EPHB1: variants seen among roughly 807,000 people sequenced by gnomAD.
The protein encoded by EPHB1 is ephrin type-B receptor 1.
In EPHB1, 30 loss-of-function variants were observed where a neutral mutation model predicts 94.4. The ratio of observed to expected loss-of-function variants is 0.32; its 90% CI spans 0.24 to 0.43. The LOEUF is 0.43. Among genes scored for constraint, EPHB1 ranks in the 20% least tolerant of loss-of-function variants. The pLI, the probability that EPHB1 is intolerant of heterozygous loss-of-function variation, is 1.00. For missense variants in EPHB1, 1,055 were observed against 1,308.3 expected (o/e 0.81, Z 2.99); for synonymous variants, 522 against 489.1 (o/e 1.07, Z -0.89).
chr3:134,895,144 T>C (rs1433865966), intron 1 of EPHB1, among the ~76,000 whole-genome samples: 1 of 152,222 alleles, frequency 6.6e-6, no homozygotes, highest in Non-Finnish European at 1.5e-5. Flanking sequence ...AATAGGAGTC[T>C]ACATTAGGAG....
chr3:135,181,506 G>A (rs1942150134), intron 10 of EPHB1, among the ~76,000 whole-genome samples: 1 of 152,234 alleles, frequency 6.6e-6, no homozygotes, highest in Non-Finnish European at 1.5e-5. Flanking sequence ...AAACATCAAA[G>A]AGTGTTGGGG....
intron 12 of EPHB1, among the ~76,000 whole-genome samples, chr3:135,238,617 G>A (rs958964639): frequency 1.3e-5 from 2 of 152,098 alleles, no homozygotes; most frequent in Non-Finnish European, 2.9e-5. Flanking sequence ...ACACACAAAA[G>A]ATAAGCAAGC....
At chr3:135,186,649 T>C (rs931492256) in intron 10 of EPHB1, among the ~76,000 whole-genome samples, 2 of 152,232 alleles carry the variant, frequency 1.3e-5, no homozygotes, top group African/African-American at 4.8e-5. Context: ...AAGCTACTGC[T>C]TGAAATACCT....
intron 1 of EPHB1, among the ~76,000 whole-genome samples, chr3:134,826,233 CAG>C (rs950574660): frequency 4.8e-5 from 6 of 126,104 alleles, no homozygotes; most frequent in African/African-American, 2.0e-4. Flanking sequence ...GCCTGGATGA[CAG>C]AGTGAGACTC....
At chr3:135,089,145 C>G (rs1174622768) in intron 3 of EPHB1, among the ~76,000 whole-genome samples, 2 of 152,184 alleles carry the variant, frequency 1.3e-5, no homozygotes, top group African/African-American at 4.8e-5. Flanking sequence ...AGTAGTTATA[C>G]ACAATAGTTT....
At chr3:135,101,781 C>T (rs1482242591) in intron 3 of EPHB1, among the ~76,000 whole-genome samples, 1 of 152,190 alleles carries the variant, frequency 6.6e-6, no homozygotes, top group Admixed American at 6.5e-5. Flanking sequence ...AATAAATGAA[C>T]TCAGGAATAC....
chr3:135,192,394 G>T (rs1942483613), intron 10 of EPHB1, among the ~76,000 whole-genome samples, 182 bp from the exon 11 acceptor site: 1 of 25,026 alleles, frequency 4.0e-5, no homozygotes, highest in Non-Finnish European at 7.9e-5. Context: ...TAATCCTTTT[G>T]TGTTTGCCAT....
At chr3:134,994,902 A>G (rs539940348) in intron 3 of EPHB1, among the ~76,000 whole-genome samples, 2 of 152,354 alleles carry the variant, frequency 1.3e-5, no homozygotes, top group African/African-American at 4.8e-5. Flanking sequence ...CACCTCATGT[A>G]ACTATAGTAC....
At chr3:134,804,643 T>C (rs928400881) in intron 1 of EPHB1, among the ~76,000 whole-genome samples, 13 of 152,150 alleles carry the variant, frequency 8.5e-5, no homozygotes, top group African/African-American at 3.1e-4. Flanking sequence ...AGCTGCTGCT[T>C]TTTGTCTTTG....
rs73861958 is a variant in EPHB1, at chr3:134,821,220, A to C, written c.58+25531A>C. Among the ~76,000 whole-genome samples, 856 of 152,312 alleles carry C rather than the reference A, an allele frequency of 5.6e-3. 5 individuals are homozygous for C. The highest frequency in any genetic ancestry group is 0.02 in the African/African-American group (826 of 41,564). ...AACTGATTGGATGTGGCCCACCCAC[A>C]TTAAGGGGAAACAATTGGCTTTGCT... On this transcript the variant is annotated intron_variant, in intron 1 of 15. Transcript: ENST00000398015.
intron 12 of EPHB1, among the ~76,000 whole-genome samples, chr3:135,230,633 A>C (rs1943512268): frequency 1.3e-5 from 2 of 152,162 alleles, no homozygotes; most frequent in African/African-American, 4.8e-5. Context: ...CACGAGGTAC[A>C]TGTGTAGGAT....
intron 1 of EPHB1, among the ~76,000 whole-genome samples, chr3:134,874,835 T>A (rs1296768789): frequency 2.0e-5 from 3 of 152,236 alleles, no homozygotes; most frequent in Non-Finnish European, 1.5e-5. Context: ...AGTTACCCGA[T>A]GGGCTATTTA....
At chr3:135,196,422 G>A (rs528463532) in intron 11 of EPHB1, among the ~76,000 whole-genome samples, 1 of 152,246 alleles carries the variant, frequency 6.6e-6, no homozygotes, top group East Asian at 1.9e-4. Flanking sequence ...AGAGGAGCAG[G>A]CATGGTAAGA....
At chr3:134,941,784 C>T (rs1282232864) in intron 2 of EPHB1, among the ~76,000 whole-genome samples, 2 of 151,716 alleles carry the variant, frequency 1.3e-5, no homozygotes, top group East Asian at 3.9e-4. Context: ...CACACACACA[C>T]ACACACACAC....
At chr3:134,867,387 G>T (rs1022843578) in intron 1 of EPHB1, among the ~76,000 whole-genome samples, 30 of 152,180 alleles carry the variant, frequency 2.0e-4, no homozygotes, top group African/African-American at 7.0e-4. Context: ...TAAAGGGGTT[G>T]GTGCCATCCC....
At chr3:135,090,098 C>T (rs148203476) in intron 3 of EPHB1, among the ~76,000 whole-genome samples, 193 of 152,334 alleles carry the variant, frequency 1.3e-3, no homozygotes, top group Middle Eastern at 3.4e-3. Flanking sequence ...AATAAATGAT[C>T]TCAGGAGAGA....
chr3:135,249,231 C>A, intron 14 of EPHB1, 105 bp from the exon 15 acceptor site: 2 of 1,317,530 alleles, frequency 1.5e-6, no homozygotes, highest in African/African-American at 1.5e-5. Flanking sequence ...AATCCTCATT[C>A]CATCAGGGAT....
intron 1 of EPHB1, among the ~76,000 whole-genome samples, chr3:134,923,091 C>T (rs1291278530): frequency 2.0e-5 from 3 of 152,140 alleles, no homozygotes; most frequent in African/African-American, 7.2e-5. Flanking sequence ...CTGCTCTAAG[C>T]AGGGACCAGC....
intron 3 of EPHB1, among the ~76,000 whole-genome samples, chr3:135,043,190 A>G (rs1936903749): frequency 6.6e-6 from 1 of 152,066 alleles, no homozygotes; most frequent in African/African-American, 2.4e-5. Flanking sequence ...ATGCCAGAGT[A>G]TTGAATTTAA....
Sources: allele counts gnomAD v4.1 joint callset (sites outside exome capture counted in the v4.1 genomes callset), GRCh38; gene constraint gnomAD v4.1.1; transcripts MANE v1.5; gene names NCBI Gene and HGNC (gene_info 2026-07-23, HGNC 2026-07-21).